RANBP2: variants seen among roughly 807,000 people sequenced by gnomAD.
RANBP2 encodes the protein RAN binding protein 2.
A neutral mutation model predicts 303.6 loss-of-function variants in RANBP2; 57 were observed. The ratio of observed to expected loss-of-function variants is 0.19; its 90% CI spans 0.15 to 0.23. The LOEUF is 0.23. Ranked by LOEUF, RANBP2 falls within the 10% of genes least tolerant of loss-of-function variation. The pLI, the probability that RANBP2 is intolerant of heterozygous loss-of-function variation, is 1.00. For missense variants in RANBP2, 3,138 were observed against 3,780.8 expected (o/e 0.83, Z 4.46); for synonymous variants, 1,167 against 1,301.5 (o/e 0.90, Z 2.23).
the RANBP2 span, among the ~76,000 whole-genome samples, chr2:109,062,293 C>A: frequency 6.6e-6 from 1 of 152,164 alleles, no homozygotes; most frequent in African/African-American, 2.4e-5. Flanking sequence ...AGCTTTAAGC[C>A]AAGGGCAGTC....
At chr2:109,729,635 G>A in the RANBP2 span, among the ~76,000 whole-genome samples, 1 of 152,116 alleles carries the variant, frequency 6.6e-6, no homozygotes, top group African/African-American at 2.4e-5. Context: ...GGGCGACAGA[G>A]TGAGACTCTG....
Position 108,762,124 on chromosome 2 carries a change from T to A in RANBP2, c.2626T>A (p.Tyr876Asn). 6.3e-7 allele frequency: 1 copy of A among 1,596,354 alleles called. No individual in the cohort carries two copies. The highest frequency in any genetic ancestry group is 8.5e-7 in the Non-Finnish European group (1 of 1,179,258). The change falls in exon 19 of 29, where the codon TAT becomes AAT. Residue 876 changes from tyrosine to asparagine, a missense_variant. Around this residue, in one of 20 missense-constraint regions of RANBP2, gnomAD observed 26 missense variants for 58.0 expected, o/e 0.45. Coordinates refer to ENST00000283195, the MANE Select transcript of RANBP2 (RefSeq NM_006267.5). ...AGTTGCAACTACTGGCCCTTCAGTA[T>A]ATTATAGTCAGTCACCAGCATATAA... Reference protein sequence around the residue: ...LTVATTGPSVYYSQSPAYNSQ... With the variant: ...LTVATTGPSVNYSQSPAYNSQ...
the RANBP2 span, among the ~76,000 whole-genome samples, chr2:109,475,960 A>G: frequency 6.6e-6 from 1 of 152,198 alleles, no homozygotes; most frequent in African/African-American, 2.4e-5. Context: ...TCCTGTGGTG[A>G]AATTTAGCTT....
the RANBP2 span, among the ~76,000 whole-genome samples, chr2:109,629,236 A>AAATAAAT: frequency 9.1e-6 from 1 of 109,604 alleles, no homozygotes; most frequent in South Asian, 2.9e-4. Flanking sequence ...ATAAATAAAT[A>AAATAAAT]AAATGCTTAA....
chr2:109,647,887 A>T, the RANBP2 span, among the ~76,000 whole-genome samples: 5 of 152,244 alleles, frequency 3.3e-5, no homozygotes, highest in African/African-American at 1.2e-4. Context: ...GAGAACAAGC[A>T]TCATTCCACA....
At chr2:108,776,639 T>A (rs1442048694) in intron 24 of RANBP2, among the ~76,000 whole-genome samples, 2 of 152,186 alleles carry the variant, frequency 1.3e-5, no homozygotes, top group African/African-American at 4.8e-5. Context: ...GGCATGGGGC[T>A]TTCAGAGATC....
the RANBP2 span, among the ~76,000 whole-genome samples, chr2:109,679,611 T>C: frequency 1.5e-3 from 231 of 152,314 alleles, no homozygotes; most frequent in East Asian, 0.018. Context: ...CTGCCTGCAG[T>C]AATCTCTGGT....
In RANBP2 at chr2:108,764,969, C is replaced by T; in HGVS notation, c.4430C>T (p.Ser1477Phe). The change falls in exon 20 of 29, where the codon TCT becomes TTT. Residue 1477 changes from serine to phenylalanine, a missense_variant. By Grantham distance (155) the Ser-to-Phe change is radical. Around this residue, in one of 20 missense-constraint regions of RANBP2, gnomAD observed 388 missense variants for 328.5 expected, o/e 1.18. Coordinates refer to ENST00000283195, the MANE Select transcript of RANBP2 (RefSeq NM_006267.5). ...AACAGTGATTTCAGATCTGTTTTTT[C>T]TACAAAGGAAGGACAGTGGGATTGC... is the stretch of plus-strand genomic sequence containing the variant. ...PINSDFRSVF[S>F]TKEGQWDCSA... is the part of the protein sequence containing the mutation. The T allele has an allele frequency of 6.2e-7, 1 of 1,614,020 alleles. No homozygotes were observed. The highest frequency in any genetic ancestry group is 8.5e-7 in the Non-Finnish European group (1 of 1,179,966).
At chr2:109,008,635 G>A in the RANBP2 span, among the ~76,000 whole-genome samples, 1 of 151,428 alleles carries the variant, frequency 6.6e-6, no homozygotes. Context: ...GGGTGCGGTG[G>A]CTCACATCTG....
At chr2:109,537,772 CCT>C in the RANBP2 span, among the ~76,000 whole-genome samples, 1 of 152,030 alleles carries the variant, frequency 6.6e-6, no homozygotes, top group African/African-American at 2.4e-5. Context: ...GGGGCGAAAC[CCT>C]GTCTCTACAA....
chr2:109,733,408 A>G, the RANBP2 span, among the ~76,000 whole-genome samples: 2 of 151,342 alleles, frequency 1.3e-5, no homozygotes, highest in African/African-American at 4.8e-5. Flanking sequence ...GCAAATTAGG[A>G]ACAGAGGGAA....
chr2:109,637,855 G>A, the RANBP2 span, among the ~76,000 whole-genome samples: 1 of 152,146 alleles, frequency 6.6e-6, no homozygotes, highest in Non-Finnish European at 1.5e-5. Context: ...CCCTACAAGA[G>A]GCTGAGGCAG....
At chr2:109,565,837 A>C in the RANBP2 span, 2 of 1,614,072 alleles carry the variant, frequency 1.2e-6, no homozygotes, top group Admixed American at 1.7e-5. Context: ...CATACTTCCC[A>C]CAACAGCAAA....
the RANBP2 span, among the ~76,000 whole-genome samples, chr2:109,592,333 C>T: frequency 6.6e-6 from 1 of 151,920 alleles, no homozygotes; most frequent in East Asian, 1.9e-4. Flanking sequence ...GGTGTGGTGG[C>T]ACACACCTGT....
chr2:109,014,122 A>G, the RANBP2 span, among the ~76,000 whole-genome samples: 16 of 152,226 alleles, frequency 1.1e-4, no homozygotes, highest in African/African-American at 2.9e-4. Flanking sequence ...TTGATTTTTT[A>G]GTAAGCCATT....
At chr2:109,319,457 T>G in the RANBP2 span, among the ~76,000 whole-genome samples, 7 of 152,276 alleles carry the variant, frequency 4.6e-5, no homozygotes, top group African/African-American at 1.7e-4. Flanking sequence ...TACAAGTGAT[T>G]CGTTTTCTTA....
the RANBP2 span, among the ~76,000 whole-genome samples, chr2:108,864,032 TTCTC>T: frequency 6.6e-6 from 1 of 152,136 alleles, no homozygotes; most frequent in East Asian, 1.9e-4. Flanking sequence ...AGGCTGGTCT[TTCTC>T]ATGTGTAACA....
chr2:109,647,958 C>T, the RANBP2 span, among the ~76,000 whole-genome samples: 1 of 152,180 alleles, frequency 6.6e-6, no homozygotes, highest in African/African-American at 2.4e-5. Flanking sequence ...TGATGTGTCA[C>T]ACACCCTAAC....
chr2:109,094,318 A>G, the RANBP2 span, among the ~76,000 whole-genome samples: 1 of 152,002 alleles, frequency 6.6e-6, no homozygotes, highest in Non-Finnish European at 1.5e-5. Flanking sequence ...CTTTTTGGGG[A>G]TCCGGTATTA....
Sources: allele counts gnomAD v4.1 joint callset (sites outside exome capture counted in the v4.1 genomes callset), GRCh38; gene constraint gnomAD v4.1.1; regional missense constraint gnomAD v4.1.1; transcripts MANE v1.5; gene names NCBI Gene and HGNC (gene_info 2026-07-23, HGNC 2026-07-21).